Variants in DLGAP1 observed in about 807,000 individuals in gnomAD.
The protein encoded by DLGAP1 is disks large-associated protein 1.
A neutral mutation model predicts 90.8 loss-of-function variants in DLGAP1; 11 were observed. The ratio of observed to expected loss-of-function variants is 0.12; its 90% CI spans 0.08 to 0.20. The LOEUF (loss-of-function observed/expected upper bound fraction) is 0.20, where lower values mean the gene tolerates loss of function less well. Ranked by LOEUF, DLGAP1 falls within the 10% of genes least tolerant of loss-of-function variation. DLGAP1 has a pLI of 1.00. For missense variants in DLGAP1, 1,050 were observed against 1,333.8 expected, an observed-to-expected ratio of 0.79 and a Z score of 3.31; for synonymous variants, 558 against 540.7, an observed-to-expected ratio of 1.03 and a Z score of -0.44.
chr18:4,140,974 G>A (rs145488168), intron 2 of DLGAP1, among the ~76,000 whole-genome samples: 1 of 151,828 alleles, frequency 6.6e-6, no homozygotes, highest in Admixed American at 6.6e-5. Flanking sequence ...CATTATCCTT[G>A]ACCTTTGGAA....
Position 3,897,950 on chromosome 18 carries a change from G to A in DLGAP1, c.-72-17810C>T, listed in dbSNP as rs375274437. 6.9e-3 allele frequency among the ~76,000 whole-genome samples: 1,039 copies of A among 151,048 alleles called. 7 individuals carry two copies. The highest frequency in any genetic ancestry group is 0.046 in the East Asian group (234 of 5,048). On this transcript the variant is annotated intron_variant, in intron 3 of 12. Transcript: ENST00000315677. ...GCTGGGACTACAGGCGCCCGCCACC[G>A]CGCCCGGCTAATTTTTTGTATTTTT...
intron 1 of DLGAP1, among the ~76,000 whole-genome samples, chr18:4,364,288 GGA>G (rs2081705689): frequency 6.8e-6 from 1 of 146,330 alleles, no homozygotes; most frequent in African/African-American, 2.5e-5. Flanking sequence ...GATAGCATTA[GGA>G]GATATACCTA....
chr18:3,601,381 T>C (rs558492650), intron 7 of DLGAP1, among the ~76,000 whole-genome samples: 2 of 152,038 alleles, frequency 1.3e-5, no homozygotes, highest in East Asian at 3.9e-4. Flanking sequence ...CCACTGCGCC[T>C]GGCCCAGAAT....
At chr18:3,874,905 G>A in intron 4 of DLGAP1, 2 of 617,010 alleles carry the variant, frequency 3.2e-6, no homozygotes, top group East Asian at 3.3e-5. Context: ...GACTTGCAAC[G>A]ATTTCAAGCT....
Position 3,745,986 on chromosome 18 carries a change from G to A in DLGAP1, c.1173-3474C>T, listed in dbSNP as rs556109173. Reference sequence around the variant, plus strand: ...TTACAGGAGTGTGCCACCATGCCCGGCCTCAGCTATACTTTATAGCTGCAA... The same window carrying A: ...TTACAGGAGTGTGCCACCATGCCCGACCTCAGCTATACTTTATAGCTGCAA... On this transcript the variant is annotated intron_variant, in intron 5 of 12. Coordinates refer to ENST00000315677, the MANE Select transcript of DLGAP1 (RefSeq NM_004746.4). Among the ~76,000 whole-genome samples the A allele has an allele frequency of 6.6e-5, 10 of 152,270 alleles. No individual in the cohort carries two copies. In the East Asian group the frequency reaches 1.9e-3, roughly 29 times the overall value.
At chr18:4,083,456 T>C (rs2075640562) in intron 2 of DLGAP1, among the ~76,000 whole-genome samples, 1 of 152,224 alleles carries the variant, frequency 6.6e-6, no homozygotes, top group South Asian at 2.1e-4. Flanking sequence ...AACATTTTGG[T>C]ACATATCATT....
At chr18:3,501,888 G>A (rs1040795336) in intron 12 of DLGAP1, among the ~76,000 whole-genome samples, 1 of 146,564 alleles carries the variant, frequency 6.8e-6, no homozygotes, top group African/African-American at 2.5e-5. Flanking sequence ...CTAAACTGAT[G>A]CATGAGGACC....
intron 3 of DLGAP1, among the ~76,000 whole-genome samples, chr18:3,962,021 C>T: frequency 6.6e-6 from 1 of 152,170 alleles, no homozygotes; most frequent in East Asian, 1.9e-4. Context: ...TCATGGGCAA[C>T]ACTTTGATCT....
Position 3,573,371 on chromosome 18 carries a change from G to A in DLGAP1, c.1966-5790C>T, listed in dbSNP as rs138869592. ...ACAAAAATTAGCCGGGCGTGGTAGCGCGTGGATGTAGTCCCAGCTACTCGG... is the reference window on the plus strand; with the variant it reads ...ACAAAAATTAGCCGGGCGTGGTAGCACGTGGATGTAGTCCCAGCTACTCGG... On this transcript the variant is annotated intron_variant, in intron 8 of 12. Transcript: ENST00000315677. Among the ~76,000 whole-genome samples the A allele has an allele frequency of 3.2e-4, 48 of 152,128 alleles. No individual in the cohort carries two copies. The East Asian group carries it at 3.5e-3, about 11-fold the overall frequency.
chr18:3,846,285 C>T (rs766188174), intron 4 of DLGAP1, among the ~76,000 whole-genome samples: 31 of 152,108 alleles, frequency 2.0e-4, no homozygotes, highest in Non-Finnish European at 1.8e-4. Flanking sequence ...TTCCTTTCTT[C>T]GTCACCATAC....
intron 2 of DLGAP1, among the ~76,000 whole-genome samples, chr18:4,060,713 T>C (rs2075286424): frequency 1.3e-5 from 2 of 152,106 alleles, no homozygotes; most frequent in Non-Finnish European, 2.9e-5. Context: ...TCAAGGTAAA[T>C]AAGTATTTCT....
intron 1 of DLGAP1, among the ~76,000 whole-genome samples, chr18:4,377,159 C>T (rs1330050466): frequency 1.3e-5 from 2 of 152,118 alleles, no homozygotes; most frequent in African/African-American, 2.4e-5. Context: ...CGCTTGCACA[C>T]ACACAGTTCA....
chr18:4,144,071 TG>T (rs1190447779), intron 2 of DLGAP1, among the ~76,000 whole-genome samples: 6 of 152,112 alleles, frequency 3.9e-5, no homozygotes, highest in African/African-American at 1.4e-4. Context: ...TGCCTGGTAC[TG>T]GGGGAGGGGT....
intron 3 of DLGAP1, among the ~76,000 whole-genome samples, chr18:3,887,127 GAGTCCC>G (rs1218175249): frequency 2.0e-5 from 3 of 152,204 alleles, no homozygotes; most frequent in Admixed American, 6.5e-5. Context: ...TAGGAAGCCA[GAGTCCC>G]TTGCTATTGA....
chr18:4,111,950 CAT>C (rs2075980870), intron 2 of DLGAP1, among the ~76,000 whole-genome samples: 1 of 150,658 alleles, frequency 6.6e-6, no homozygotes. Context: ...AATAAAATAA[CAT>C]AATAATAATA....
At position 3,879,978 on chromosome 18, in the gene DLGAP1, G is replaced by A; in HGVS notation, c.91C>T (p.Pro31Ser). Residue 31 changes from proline to serine, a missense_variant, in exon 4 of 13, where the codon CCC becomes TCC. Physicochemically the swap from Pro to Ser is moderately conservative, Grantham distance 74. Around this residue, in one of 2 missense-constraint regions of DLGAP1, gnomAD observed 485 missense variants for 454.1 expected, o/e 1.07. Transcript: ENST00000315677. This position sits in a 1 kb window ranked among gnomAD's most constrained non-coding sequence, Gnocchi z 6.6. ...DSLSHHSDRK[P>S]YLLSPVEHHP... is the part of the protein sequence containing the mutation. Reference sequence around the variant, plus strand: ...TGCTCCACTGGGCTCAGCAGGTAGGGCTTGCGGTCGGAGTGGTGCGACAGC... The same window carrying A: ...TGCTCCACTGGGCTCAGCAGGTAGGACTTGCGGTCGGAGTGGTGCGACAGC... 1 of 1,612,358 alleles carries A rather than the reference G, an allele frequency of 6.2e-7. No homozygotes were observed. Among genetic ancestry groups the A allele is most frequent in the Non-Finnish European group, 8.5e-7 (1 of 1,179,980 alleles).
At chr18:3,755,855 C>G (rs1019690192) in intron 5 of DLGAP1, among the ~76,000 whole-genome samples, 28 of 152,090 alleles carry the variant, frequency 1.8e-4, no homozygotes, top group East Asian at 7.7e-4. Flanking sequence ...TAAACAAAAC[C>G]AGAATACATA....
Position 4,088,009 on chromosome 18 carries a change from G to GTT in DLGAP1, c.-159+63169_-159+63170dup, listed in dbSNP as rs11394205. Among the ~76,000 whole-genome samples the GTT allele has an allele frequency of 2.7e-3, 413 of 150,664 alleles. 3 individuals are homozygous for GTT. The highest frequency in any genetic ancestry group is 7.6e-3 in the African/African-American group (312 of 41,052). On this transcript the variant is annotated intron_variant, in intron 2 of 12. Coordinates refer to ENST00000315677, the MANE Select transcript of DLGAP1 (RefSeq NM_004746.4). ...ATCTTTCCCCTTTCCCTCTTTTTCTGTTTTTTTAATTAAATAATTTTTATC... is the reference window on the plus strand; with the variant it reads ...ATCTTTCCCCTTTCCCTCTTTTTCTGTTTTTTTTTAATTAAATAATTTTTATC...
chr18:4,381,098 T>G (rs1351505762), intron 1 of DLGAP1, among the ~76,000 whole-genome samples: 1 of 152,198 alleles, frequency 6.6e-6, no homozygotes, highest in East Asian at 1.9e-4. Flanking sequence ...CTATATATTT[T>G]ATAGTTAACG....
Sources: allele counts gnomAD v4.1 joint callset (sites outside exome capture counted in the v4.1 genomes callset), GRCh38; gene constraint gnomAD v4.1.1; regional missense constraint gnomAD v4.1.1; non-coding constraint Gnocchi (gnomAD v3.1); transcripts MANE v1.5; gene names NCBI Gene and HGNC (gene_info 2026-07-23, HGNC 2026-07-21).